Variants in RNF213 observed in about 807,000 individuals in gnomAD.
RNF213 encodes the protein ring finger protein 213.
A neutral mutation model predicts 514.4 loss-of-function variants in RNF213; 341 were observed. The ratio of observed to expected loss-of-function variants is 0.66; its 90% confidence interval spans 0.61 to 0.73. RNF213 has a LOEUF of 0.73. Among genes scored for constraint, RNF213 ranks in the 30% least tolerant of loss-of-function variants. The probability of loss-of-function intolerance (pLI) is 0.00; values close to 1 mark genes in which losing one functional copy is unlikely to be tolerated. For missense variants in RNF213, 5,767 were observed against 6,615.6 expected (o/e 0.87, Z 4.45); for synonymous variants, 2,655 against 2,658.2 (o/e 1.00, Z 0.04).
chr17:80,315,621 C>T (rs1312185086), intron 15 of RNF213: 1 of 2,792 alleles, frequency 3.6e-4, no homozygotes, highest in African/African-American at 3.9e-3. Flanking sequence ...GATGGTGGTC[C>T]GTGGAGGTGA....
chr17:80,332,776 C>CCT, intron 21 of RNF213, 145 bp downstream of exon 21: 3 of 905,964 alleles, frequency 3.3e-6, no homozygotes, highest in Non-Finnish European at 4.8e-6. Flanking sequence ...GTACTTGAGG[C>CCT]CTGAATATCC....
At chr17:80,284,022 A>G (rs1397881494) in intron 3 of RNF213, among the ~76,000 whole-genome samples, 2 of 152,044 alleles carry the variant, frequency 1.3e-5, no homozygotes, top group Non-Finnish European at 2.9e-5. Context: ...TCAGGAGTTC[A>G]AGACTAGCTG....
intron 49 of RNF213, 139 bp downstream of exon 49, chr17:80,373,304 AC>A: frequency 2.0e-6 from 1 of 508,532 alleles, no homozygotes; most frequent in South Asian, 1.9e-5. Context: ...ATACCCTCAT[AC>A]CCCCACACCT....
At chr17:80,369,446 G>C (rs1201338394) in intron 44 of RNF213, 56 bp from the exon 45 acceptor site, 23 of 1,415,720 alleles carry the variant, frequency 1.6e-5, no homozygotes, top group Non-Finnish European at 2.2e-5. Context: ...AAGTCATTCT[G>C]TAAGGAGGCA....
In RNF213 at chr17:80,345,616, C is replaced by T; in HGVS notation, c.7281C>T (p.Thr2427=). ...IIMGETGCGK[T]RLIKFLSDLR... is the part of the protein sequence containing the mutation. ...TGGGAGAAACTGGCTGTGGGAAAAC[C>T]AGGCTTATTAAATTCCTTAGCGACC... The change falls in exon 29 of 68, where the codon ACC becomes ACT. Residue 2427 remains threonine, a synonymous_variant. Coordinates refer to ENST00000582970, the MANE Select transcript of RNF213 (RefSeq NM_001256071.3). This position sits in a 1 kb window ranked among gnomAD's most constrained non-coding sequence, Gnocchi z 6.0. 6.2e-7 allele frequency: 1 copy of T among 1,614,070 alleles called. No homozygotes were observed. Among genetic ancestry groups the T allele is most frequent in the Non-Finnish European group, 8.5e-7 (1 of 1,179,980 alleles).
Position 80,343,753 on chromosome 17 carries a change from A to G in RNF213, c.6184-104A>G. 2 of 1,192,478 alleles carry G rather than the reference A, an allele frequency of 1.7e-6. No individual in the cohort carries two copies. The highest frequency in any genetic ancestry group is 2.5e-6 in the Non-Finnish European group (2 of 797,870). 73.9% of individuals were successfully genotyped at this position (1,192,478 alleles called of 1,614,324 possible). ...GTTGGCTGAAATGTTGATGTTGATCATCAGGATCATCGTGACAAAGAGCAA... is the reference window on the plus strand; with the variant it reads ...GTTGGCTGAAATGTTGATGTTGATCGTCAGGATCATCGTGACAAAGAGCAA... On this transcript the variant is annotated intron_variant, in intron 27 of 67. Transcript: ENST00000582970. This position sits in a 1 kb window ranked among gnomAD's most constrained non-coding sequence, Gnocchi z 4.3.
chr17:80,371,762 G>A (rs2079525545), intron 46 of RNF213, 112 bp from the exon 47 acceptor site: 3 of 671,482 alleles, frequency 4.5e-6, no homozygotes, highest in African/African-American at 1.8e-5. Flanking sequence ...GTATGTATAT[G>A]TTTATACACA....
intron 56 of RNF213, 27 bp downstream of exon 56, chr17:80,381,014 G>A (rs1246647470): frequency 6.2e-7 from 1 of 1,613,726 alleles, no homozygotes; most frequent in South Asian, 1.1e-5. Flanking sequence ...CCAAACAATG[G>A]GCTCAGTTAA....
chr17:80,377,337 G>A lies in RNF213; in HGVS notation c.13510+374G>A, dbSNP rs183655048. On this transcript the variant is annotated intron_variant, in intron 53 of 67. Transcript: ENST00000582970. This position sits in a 1 kb window ranked among gnomAD's most constrained non-coding sequence, Gnocchi z 4.1. ...TCTGAAATATATGAAATATAGAACCGGGAGACTGACTCATATAACCCATGA... is the reference window on the plus strand; with the variant it reads ...TCTGAAATATATGAAATATAGAACCAGGAGACTGACTCATATAACCCATGA... Among the ~76,000 whole-genome samples, 103 of 152,032 alleles carry A rather than the reference G, an allele frequency of 6.8e-4. No individual in the cohort carries two copies. Among genetic ancestry groups the A allele is most frequent in the Non-Finnish European group, 1.4e-3 (92 of 67,988 alleles).
chr17:80,393,866 CCT>C lies in RNF213; in HGVS notation c.*371_*372del, dbSNP rs766353906. Reference sequence around the variant, plus strand: ...CCGTTCGCCTCTGGCACTGCCCACCCCTCTTTTTTTTTTTCTTCTAATTCTGT... The same window carrying C: ...CCGTTCGCCTCTGGCACTGCCCACCCCTTTTTTTTTTTCTTCTAATTCTGT... On this transcript the variant is annotated 3_prime_UTR_variant, in exon 68 of 68. Transcript: ENST00000582970. The C allele has an allele frequency of 6.4e-5, 16 of 249,800 alleles. No individual in the cohort carries two copies. Among genetic ancestry groups the C allele is most frequent in the African/African-American group, 1.1e-4 (5 of 44,238 alleles). The allele number at this position is 249,800 out of a possible 1,614,324, so 15.5% of individuals were successfully genotyped here. A position where few individuals can be genotyped will look rare whatever the true frequency, so the allele number is the denominator to read the frequency against.
intron 37 of RNF213, among the ~76,000 whole-genome samples, chr17:80,359,552 A>AAAAAG (rs2078968878): frequency 7.1e-6 from 1 of 140,566 alleles, no homozygotes; most frequent in African/African-American, 2.6e-5. Flanking sequence ...AAAAAAAAAA[A>AAAAAG]GAGTGAGAGA....
At chr17:80,351,051 TAAAGTA>T (rs1267193094) in intron 31 of RNF213, among the ~76,000 whole-genome samples, 4 of 152,214 alleles carry the variant, frequency 2.6e-5, no homozygotes, top group Non-Finnish European at 4.4e-5. Flanking sequence ...CTTTATTACT[TAAAGTA>T]AAAGTGATTT....
intron 11 of RNF213, among the ~76,000 whole-genome samples, chr17:80,301,686 A>G (rs529391311): frequency 6.6e-6 from 1 of 152,246 alleles, no homozygotes; most frequent in Non-Finnish European, 1.5e-5. Context: ...CATACAGTGT[A>G]GGAATGTAAA....
intron 36 of RNF213, among the ~76,000 whole-genome samples, chr17:80,356,693 C>T (rs150709164): frequency 3.5e-4 from 53 of 152,394 alleles, no homozygotes; most frequent in Middle Eastern, 6.8e-3. Context: ...CCGCCTCTCC[C>T]AGCGCTTGTC....
chr17:80,290,287 CTG>C (rs897370747), intron 6 of RNF213, among the ~76,000 whole-genome samples: 3 of 152,132 alleles, frequency 2.0e-5, no homozygotes, highest in African/African-American at 7.2e-5. Flanking sequence ...GACCATGTGC[CTG>C]TGTGTGTGCA....
chr17:80,354,010 C>T lies in RNF213; in HGVS notation c.10579-9C>T. The T allele has an allele frequency of 6.2e-7, 1 of 1,613,708 alleles. No homozygotes were observed. Among genetic ancestry groups the T allele is most frequent in the Non-Finnish European group, 8.5e-7 (1 of 1,180,026 alleles). On this transcript the variant is annotated splice_polypyrimidine_tract_variant and intron_variant, in intron 34 of 67. Transcript: ENST00000582970. ...CAGAAACGGATGACCCAACCGTCTCCACCAACAGGTGTCGATCCTGGACAC... is the reference window on the plus strand; with the variant it reads ...CAGAAACGGATGACCCAACCGTCTCTACCAACAGGTGTCGATCCTGGACAC...
intron 44 of RNF213, among the ~76,000 whole-genome samples, chr17:80,369,126 T>C (rs1297821529): frequency 2.0e-5 from 3 of 152,098 alleles, no homozygotes; most frequent in Admixed American, 1.3e-4. Flanking sequence ...CAGCCAGGCA[T>C]GGTGGCTCAC....
In RNF213 at chr17:80,376,285, G is replaced by GT. The variant is rs777469709; in HGVS notation, c.13186-9dup. ...ATTCTTTGATACATCTTAATGTTAA[G>GT]TTTTTTTCCTGTCAGCAATGTGAAG... On this transcript the variant is annotated splice_polypyrimidine_tract_variant and intron_variant, in intron 51 of 67. Coordinates refer to ENST00000582970, the MANE Select transcript of RNF213 (RefSeq NM_001256071.3). 124 of 1,613,858 alleles carry GT rather than the reference G, an allele frequency of 7.7e-5. No individual in the cohort carries two copies. The East Asian group carries it at 8.5e-4, about 11-fold the overall frequency.
rs990914276 is a variant in RNF213, at chr17:80,353,014, C to T, written c.10378C>T (p.His3460Tyr). 1 of 1,613,744 alleles carries T rather than the reference C, an allele frequency of 6.2e-7. No individual in the cohort carries two copies. The highest frequency in any genetic ancestry group is 8.5e-7 in the Non-Finnish European group (1 of 1,180,034). The change falls in exon 33 of 68, where the codon CAT (histidine) becomes TAT (tyrosine). Residue 3460 changes from histidine (H) to tyrosine (Y), a missense_variant. Coordinates refer to ENST00000582970, the MANE Select transcript of RNF213 (RefSeq NM_001256071.3). The surrounding 1 kb of genome is among the most constrained non-coding windows in gnomAD (Gnocchi z 5.0). ...LMVSDVTRLQ[H>Y]VTISQLFAPG... ...GGTTTCTGATGTGACCAGGCTGCAG[C>T]ATGTCACCATCAGCCAGCTGTTCGC...
Sources: allele counts gnomAD v4.1 joint callset (sites outside exome capture counted in the v4.1 genomes callset), GRCh38; gene constraint gnomAD v4.1.1; non-coding constraint Gnocchi (gnomAD v3.1); transcripts MANE v1.5; gene names NCBI Gene and HGNC (gene_info 2026-07-23, HGNC 2026-07-21).